Variants in PDE11A observed in about 807,000 individuals in gnomAD.
PDE11A encodes phosphodiesterase 11A, also known as dual 3',5'-cyclic-AMP and -GMP phosphodiesterase 11A.
PDE11A carries 100 observed loss-of-function variants against 100.5 expected under a neutral mutation model. The ratio of observed to expected loss-of-function variants is 1.00; its 90% CI spans 0.85 to 1.18. The LOEUF is 1.18. PDE11A is among the 50% of genes most tolerant of loss of function. The probability of loss-of-function intolerance (pLI) is 0.00; values close to 1 mark genes in which losing one functional copy is unlikely to be tolerated. For missense variants in PDE11A, 1,141 were observed against 1,152.6 expected, an observed-to-expected ratio of 0.99 and a Z score of 0.15; for synonymous variants, 381 against 420.8, an observed-to-expected ratio of 0.91 and a Z score of 1.16.
chr2:178,099,979 A>T (rs1030989783), intron 2 of PDE11A, among the ~76,000 whole-genome samples: 1 of 152,234 alleles, frequency 6.6e-6, no homozygotes, highest in African/African-American at 2.4e-5. Flanking sequence ...CCTTGAAGAC[A>T]TTATGCTAAG....
chr2:177,956,659 C>A (rs1239881443), intron 2 of PDE11A, among the ~76,000 whole-genome samples: 1 of 152,328 alleles, frequency 6.6e-6, no homozygotes, highest in South Asian at 2.1e-4. Flanking sequence ...TGGAACCAAC[C>A]TAAATGTCCA....
At chr2:177,856,140 C>G (rs998402685) in intron 5 of PDE11A, among the ~76,000 whole-genome samples, 5 of 152,086 alleles carry the variant, frequency 3.3e-5, no homozygotes, top group Non-Finnish European at 7.4e-5. Flanking sequence ...AAGGAAATCT[C>G]TGTCCCATTA....
chr2:178,092,142 G>C (rs1208209654), intron 2 of PDE11A, among the ~76,000 whole-genome samples: 1 of 152,116 alleles, frequency 6.6e-6, no homozygotes, highest in Non-Finnish European at 1.5e-5. Flanking sequence ...GAAAATTAAA[G>C]CTAATGTCTT....
At chr2:177,897,985 G>T in intron 4 of PDE11A, 73 bp downstream of exon 4, 1 of 1,281,220 alleles carries the variant, frequency 7.8e-7, no homozygotes, top group Non-Finnish European at 1.1e-6. Flanking sequence ...AATTTCACAA[G>T]TTTAATTATA....
intron 2 of PDE11A, among the ~76,000 whole-genome samples, chr2:177,979,077 TAAAA>T (rs72020976): frequency 0.26 from 29,557 of 112,890 alleles, 3,751 homozygotes; most frequent in Middle Eastern, 0.32. Context: ...TAGAGTATAA[TAAAA>T]AAAAAAAAAA....
At chr2:177,918,145 A>G (rs1023299536) in intron 2 of PDE11A, among the ~76,000 whole-genome samples, 1 of 152,252 alleles carries the variant, frequency 6.6e-6, no homozygotes, top group Admixed American at 6.5e-5. Flanking sequence ...ATTTATTAAC[A>G]AACTGGGGTA....
At chr2:177,671,259 C>G (rs1335889967) in intron 17 of PDE11A, among the ~76,000 whole-genome samples, 1 of 71,410 alleles carries the variant, frequency 1.4e-5, no homozygotes, top group African/African-American at 3.9e-5. Context: ...TTGTTGGTAT[C>G]TCCCCTGTGC....
At chr2:177,663,641 T>G (rs2080520410) in intron 19 of PDE11A, among the ~76,000 whole-genome samples, 2 of 152,084 alleles carry the variant, frequency 1.3e-5, no homozygotes, top group Admixed American at 6.6e-5. Context: ...TAGAGGCCCA[T>G]GGAGATTATA....
chr2:177,836,898 T>A lies in PDE11A; in HGVS notation c.1500+3353A>T, dbSNP rs371247666. ...CCAGAAGGAAGAAACTCCAAACACA[T>A]CCGAACATCAGAAGGAACAAACTCC... On this transcript the variant is annotated intron_variant, in intron 6 of 19. Coordinates refer to ENST00000286063, the MANE Select transcript of PDE11A (RefSeq NM_016953.4). 7.9e-5 allele frequency among the ~76,000 whole-genome samples: 12 copies of A among 151,742 alleles called. No individual in the cohort carries two copies. In the South Asian group the frequency reaches 2.5e-3, roughly 32 times the overall value.
intron 19 of PDE11A, among the ~76,000 whole-genome samples, chr2:177,631,145 A>ATT (rs2079912439): frequency 6.6e-6 from 1 of 151,736 alleles, no homozygotes; most frequent in African/African-American, 2.4e-5. Context: ...TTATGTTTCT[A>ATT]ACTGGTGAAA....
chr2:177,698,475 C>T (rs1363538813), intron 14 of PDE11A: 1 of 152,140 alleles, frequency 6.6e-6, no homozygotes, highest in Non-Finnish European at 1.5e-5. Flanking sequence ...GGCCTGGGAA[C>T]TGGACCAGTT....
intron 2 of PDE11A, among the ~76,000 whole-genome samples, chr2:177,977,766 T>C (rs1185940597): frequency 1.4e-5 from 2 of 146,922 alleles, no homozygotes; most frequent in African/African-American, 5.0e-5. Flanking sequence ...ACAGAAATAA[T>C]GCCGCATATC....
At position 177,840,353 on chromosome 2, in the gene PDE11A, G is replaced by C. The variant is rs78731210; in HGVS notation, c.1398C>G (p.Tyr466Ter). 2 of 1,613,602 alleles carry C rather than the reference G, an allele frequency of 1.2e-6. No homozygotes were observed. Among genetic ancestry groups the C allele is most frequent in the Admixed American group, 3.3e-5 (2 of 60,022 alleles). ...SFKESMEKSSYSDWLINNSIA... is the reference protein window; with the variant it reads ...SFKESMEKSS ...TGCTGTTATTTATTAGCCAGTCGGAGTATGATGATTTCTCCATGCTTTCTT... is the reference window on the plus strand; with the variant it reads ...TGCTGTTATTTATTAGCCAGTCGGACTATGATGATTTCTCCATGCTTTCTT... Residue 466 changes from tyrosine (Y) to a stop codon, truncating the protein, a stop_gained, in exon 6 of 20, where the codon TAC becomes TAG. Transcript: ENST00000286063. LOFTEE classifies it high-confidence loss of function.
At chr2:177,689,423 G>C (rs1013491123) in intron 15 of PDE11A, among the ~76,000 whole-genome samples, 2 of 152,262 alleles carry the variant, frequency 1.3e-5, no homozygotes, top group Middle Eastern at 3.4e-3. Context: ...GTCAGGCAGG[G>C]GTTGCAGGGT....
intron 2 of PDE11A, among the ~76,000 whole-genome samples, chr2:178,080,956 C>T (rs2087277341): frequency 6.6e-6 from 1 of 151,870 alleles, no homozygotes; most frequent in Non-Finnish European, 1.5e-5. Context: ...ATTCATAAAA[C>T]ATTTATAATG....
At chr2:177,750,615 T>C (rs1229790868) in intron 10 of PDE11A, among the ~76,000 whole-genome samples, 3 of 152,328 alleles carry the variant, frequency 2.0e-5, no homozygotes, top group East Asian at 3.9e-4. Context: ...TACACTGTTA[T>C]AGAAGCCACC....
chr2:177,797,575 G>GA (rs2082723711), intron 9 of PDE11A, among the ~76,000 whole-genome samples: 1 of 152,136 alleles, frequency 6.6e-6, no homozygotes, highest in Non-Finnish European at 1.5e-5. Context: ...GGTAATGAAA[G>GA]AAAAATTTTA....
intron 13 of PDE11A, among the ~76,000 whole-genome samples, chr2:177,705,793 G>A (rs2081269271): frequency 6.6e-6 from 1 of 152,210 alleles, no homozygotes; most frequent in South Asian, 2.1e-4. Context: ...AGATTAATGT[G>A]CCCCAGTATT....
At chr2:178,055,504 AT>A (rs1361434741) in intron 1 of PDE11A, among the ~76,000 whole-genome samples, 2 of 152,236 alleles carry the variant, frequency 1.3e-5, no homozygotes, top group Non-Finnish European at 2.9e-5. Flanking sequence ...TAATAAAAAA[AT>A]AAAAATAAAA....
Sources: allele counts gnomAD v4.1 joint callset (sites outside exome capture counted in the v4.1 genomes callset), GRCh38; gene constraint gnomAD v4.1.1; transcripts MANE v1.5; gene names NCBI Gene and HGNC (gene_info 2026-07-23, HGNC 2026-07-21).